The following MTMR10 variants were observed in gnomAD, a reference collection of about 807,000 sequenced individuals.
The protein encoded by MTMR10 is myotubularin related protein 10.
Under a neutral mutation model 88.1 loss-of-function variants are expected in MTMR10, and 56 were observed. The observed-to-expected ratio is 0.64, with a 90% CI of 0.51 to 0.79. The LOEUF is 0.79. Among genes scored for constraint, MTMR10 ranks in the 30% least tolerant of loss-of-function variants. The pLI, the probability that MTMR10 is intolerant of heterozygous loss-of-function variation, is 0.00. For missense variants in MTMR10, 883 were observed against 924.7 expected (o/e 0.95, Z 0.58); for synonymous variants, 380 against 340.9 (o/e 1.11, Z -1.26).
the MTMR10 span, among the ~76,000 whole-genome samples, chr15:30,921,883 G>A: frequency 3.3e-5 from 5 of 152,202 alleles, no homozygotes; most frequent in Non-Finnish European, 5.9e-5. Context: ...GTTCCCAGAA[G>A]TATGTGGGTT....
the MTMR10 span, among the ~76,000 whole-genome samples, chr15:30,921,404 A>G: frequency 6.6e-5 from 10 of 152,318 alleles, no homozygotes; most frequent in East Asian, 1.9e-3. Flanking sequence ...ATAATCACAA[A>G]TCAGAAATTT....
At chr15:30,926,990 C>T in the MTMR10 span, 5 of 985,422 alleles carry the variant, frequency 5.1e-6, no homozygotes, top group East Asian at 3.4e-4. Flanking sequence ...TCACTTATAA[C>T]ACAAATGCAC....
Position 30,954,691 on chromosome 15 carries a change from T to C in MTMR10, c.1066+72A>G, listed in dbSNP as rs1354200797. The stretch of plus-strand genomic sequence containing the variant: ...ATCTATTTCTACATTTTTAAGAACA[T>C]CACTTTTCCTGACATCTCATGCAAC... On this transcript the variant is annotated intron_variant, in intron 10 of 15. Transcript: ENST00000435680. The C allele has an allele frequency of 8.8e-6, 12 of 1,358,562 alleles. 1 individual carries two copies. The highest frequency in any genetic ancestry group is 1.2e-5 in the Non-Finnish European group (12 of 1,027,276). 84.2% of individuals were successfully genotyped at this position (1,358,562 alleles called of 1,614,324 possible). A position where few individuals can be genotyped will look rare whatever the true frequency, so the allele number is the denominator to read the frequency against.
chr15:30,938,859 AG>A, downstream of MTMR10: 5 of 953,586 alleles, frequency 5.2e-6, no homozygotes, highest in Non-Finnish European at 6.2e-6. Context: ...TGGATGACAC[AG>A]AAGTATGGGT....
At chr15:30,919,835 G>A in the MTMR10 span, among the ~76,000 whole-genome samples, 10 of 152,092 alleles carry the variant, frequency 6.6e-5, no homozygotes, top group Admixed American at 6.5e-4. Flanking sequence ...GGAGGGCTTG[G>A]TCTTGCTGTC....
At position 30,990,811 on chromosome 15, in the gene MTMR10, C is replaced by A; in HGVS notation, c.87G>T (p.Pro29=). Residue 29 remains proline, a synonymous_variant, in exon 2 of 16, where the codon CCG becomes CCT. Coordinates refer to ENST00000435680, the MANE Select transcript of MTMR10 (RefSeq NM_017762.3). Reference sequence around the variant, plus strand: ...GGACTGGCTCCAGTTTTTTAATCTTCGGTTCCGAATTGATCTTATCGTCAG... The same window carrying A: ...GGACTGGCTCCAGTTTTTTAATCTTAGGTTCCGAATTGATCTTATCGTCAG... ...PQTDDKINSE[P]KIKKLEPVLL... 1 of 1,608,690 alleles carries A rather than the reference C, an allele frequency of 6.2e-7. No homozygotes were observed. Among genetic ancestry groups the A allele is most frequent in the Non-Finnish European group, 8.5e-7 (1 of 1,177,364 alleles).
At chr15:30,946,325 A>G (rs891293545) in intron 14 of MTMR10, 1 of 170,432 alleles carries the variant, frequency 5.9e-6, no homozygotes, top group Non-Finnish European at 1.2e-5. Context: ...CAATGAGACT[A>G]AAGGCATAAG....
chr15:30,943,025 T>C lies in MTMR10; in HGVS notation c.1596A>G (p.Leu532=). 1 of 1,550,666 alleles carries C rather than the reference T, an allele frequency of 6.4e-7. No homozygotes were observed. Among genetic ancestry groups the C allele is most frequent in the Non-Finnish European group, 8.7e-7 (1 of 1,146,754 alleles). The change falls in exon 15 of 16, where the codon TTA becomes TTG. Residue 532 remains leucine, a synonymous_variant. Coordinates refer to ENST00000435680, the MANE Select transcript of MTMR10 (RefSeq NM_017762.3). Reference sequence around the variant, plus strand: ...ACCAGTCCCAAACAGAGGGGAATTTTAAGCCCTTCTCATCACCCAATTGGA... The same window carrying C: ...ACCAGTCCCAAACAGAGGGGAATTTCAAGCCCTTCTCATCACCCAATTGGA... ...KNIQLGDEKG[L]KFPSVWDWSL...
At chr15:30,978,409 T>C (rs1196682268) in intron 2 of MTMR10, among the ~76,000 whole-genome samples, 1 of 152,186 alleles carries the variant, frequency 6.6e-6, no homozygotes, top group African/African-American at 2.4e-5. Flanking sequence ...ATAAAATCAC[T>C]TCATGACACT....
the MTMR10 span, chr15:30,927,440 G>A: frequency 1.4e-5 from 14 of 985,678 alleles, no homozygotes; most frequent in Non-Finnish European, 1.7e-5. Flanking sequence ...GGGCTGCAGG[G>A]ATGAGGGGCT....
chr15:30,964,501 T>A (rs1360701627), intron 6 of MTMR10, among the ~76,000 whole-genome samples: 2 of 152,254 alleles, frequency 1.3e-5, no homozygotes, highest in Non-Finnish European at 2.9e-5. Context: ...CCTGTACTTT[T>A]CTAAACAACT....
chr15:30,940,304 CA>C lies in MTMR10; in HGVS notation c.*1165del. The C allele has an allele frequency of 1.0e-6, 1 of 985,376 alleles. No individual in the cohort carries two copies. Among genetic ancestry groups the C allele is most frequent in the Non-Finnish European group, 1.2e-6 (1 of 829,916 alleles). 61.0% of individuals were successfully genotyped at this position (985,376 alleles called of 1,614,324 possible). On this transcript the variant is annotated 3_prime_UTR_variant, in exon 16 of 16. Coordinates refer to ENST00000435680, the MANE Select transcript of MTMR10 (RefSeq NM_017762.3). ...TTACTTTAGAGAGATTCAGATCAAG[CA>C]AACAACTGTGTCTGCTCATTCTCCT...
chr15:30,933,895 G>C, the MTMR10 span, among the ~76,000 whole-genome samples: 1 of 151,994 alleles, frequency 6.6e-6, no homozygotes, highest in African/African-American at 2.4e-5. Flanking sequence ...TGAGTAGCCC[G>C]AACTATAGGC....
intron 6 of MTMR10, among the ~76,000 whole-genome samples, chr15:30,967,454 T>G (rs1880499): frequency 6.6e-6 from 1 of 151,996 alleles, no homozygotes; most frequent in East Asian, 1.9e-4. Flanking sequence ...TACTCAGAAA[T>G]AGAAACTCAG....
rs1449440631 is a variant in MTMR10 at position 30,961,170 on chromosome 15, T to C, written c.566-97A>G. 4.2e-6 allele frequency: 6 copies of C among 1,434,292 alleles called. No homozygotes were observed. In the African/African-American group the frequency reaches 7.1e-5, roughly 17 times the overall value. The allele number at this position is 1,434,292 out of a possible 1,614,324, so 88.8% of individuals were successfully genotyped here. A position where few individuals can be genotyped will look rare whatever the true frequency, so the allele number is the denominator to read the frequency against. ...CTGTCACATGCATACTCTGATGTGC[T>C]GTCTCTAACCTGCTTCACCTTCCAA... is the stretch of plus-strand genomic sequence containing the variant. On this transcript the variant is annotated intron_variant, in intron 6 of 15. Coordinates refer to ENST00000435680, the MANE Select transcript of MTMR10 (RefSeq NM_017762.3).
chr15:30,976,228 C>A (rs1175692327), intron 3 of MTMR10, among the ~76,000 whole-genome samples: 1 of 151,900 alleles, frequency 6.6e-6, no homozygotes, highest in African/African-American at 2.4e-5. Context: ...TAACAAAACC[C>A]CATCTCTACA....
downstream of MTMR10, among the ~76,000 whole-genome samples, chr15:30,936,903 T>G (rs1480987973): frequency 6.6e-6 from 1 of 152,206 alleles, no homozygotes; most frequent in Non-Finnish European, 1.5e-5. Context: ...ATGGTTTCTG[T>G]TGAATGTATA....
chr15:30,989,006 A>T (rs570176926), intron 2 of MTMR10, among the ~76,000 whole-genome samples: 89 of 150,912 alleles, frequency 5.9e-4, no homozygotes, highest in Non-Finnish European at 8.3e-4. Flanking sequence ...AAAAAAAAAA[A>T]TTTAAAAAAA....
At chr15:30,985,304 T>C (rs1374387717) in intron 2 of MTMR10, among the ~76,000 whole-genome samples, 1 of 152,204 alleles carries the variant, frequency 6.6e-6, no homozygotes, top group African/African-American at 2.4e-5. Flanking sequence ...GCACGCTGGG[T>C]CAAAATCTGT....
Sources: allele counts gnomAD v4.1 joint callset (sites outside exome capture counted in the v4.1 genomes callset), GRCh38; gene constraint gnomAD v4.1.1; transcripts MANE v1.5; gene names NCBI Gene and HGNC (gene_info 2026-07-23, HGNC 2026-07-21).